Variants in SLIT1 observed in about 807,000 individuals in gnomAD.
The protein encoded by SLIT1 is slit homolog 1 protein.
SLIT1 carries 66 observed loss-of-function variants against 186.1 expected under a neutral mutation model. The ratio of observed to expected loss-of-function variants is 0.35; its 90% CI spans 0.29 to 0.44. SLIT1 has a LOEUF of 0.44. Among genes scored for constraint, SLIT1 ranks in the 20% least tolerant of loss-of-function variants. SLIT1 has a pLI of 1.00. For missense variants in SLIT1, 1,638 were observed against 2,037.4 expected, an observed-to-expected ratio of 0.80 and a Z score of 3.77; for synonymous variants, 761 against 833.8, an observed-to-expected ratio of 0.91 and a Z score of 1.50.
At chr10:97,041,938 T>C (rs1294591474) in intron 20 of SLIT1, among the ~76,000 whole-genome samples, 4 of 152,082 alleles carry the variant, frequency 2.6e-5, no homozygotes, top group Non-Finnish European at 2.9e-5. Flanking sequence ...CCAAAATATA[T>C]AGTTAGGTTT....
chr10:97,087,657 C>T lies in SLIT1; in HGVS notation c.414-21571G>A, dbSNP rs575523513. 4.0e-4 allele frequency among the ~76,000 whole-genome samples: 61 copies of T among 152,062 alleles called. 1 individual carries two copies. Among genetic ancestry groups the T allele is most frequent in the African/African-American group, 1.4e-3 (60 of 41,542 alleles). On this transcript the variant is annotated intron_variant, in intron 4 of 36. Coordinates refer to ENST00000266058, the MANE Select transcript of SLIT1 (RefSeq NM_003061.3). ...AAGCACGGCTCTCTGCCTGAGCCTC[C>T]TGATCACACTCTCGGCTCCTGTCCT...
At chr10:97,121,786 A>C (rs1027282298) in intron 4 of SLIT1, among the ~76,000 whole-genome samples, 9 of 152,236 alleles carry the variant, frequency 5.9e-5, no homozygotes, top group African/African-American at 2.2e-4. Flanking sequence ...CTGCCTCATC[A>C]GCTATAGTCC....
chr10:97,016,179 C>G (rs1298849924), intron 28 of SLIT1, among the ~76,000 whole-genome samples: 1 of 151,912 alleles, frequency 6.6e-6, no homozygotes, highest in Non-Finnish European at 1.5e-5. Context: ...TGTGGTGGTG[C>G]ATGCCTGTAG....
At chr10:97,012,206 C>T in intron 30 of SLIT1, among the ~76,000 whole-genome samples, 1 of 151,638 alleles carries the variant, frequency 6.6e-6, no homozygotes, top group South Asian at 2.1e-4. Flanking sequence ...CTGTCTGATA[C>T]TTTGTTTCAT....
At chr10:97,163,572 C>A in intron 2 of SLIT1, 121 bp from the exon 3 acceptor site, 2 of 800,218 alleles carry the variant, frequency 2.5e-6, no homozygotes, top group Non-Finnish European at 2.2e-6. Flanking sequence ...GGGAGTAAGA[C>A]AGGAGCCATG....
intron 29 of SLIT1, 35 bp downstream of exon 29, chr10:97,013,984 A>C (rs1589363004): frequency 6.2e-7 from 1 of 1,605,696 alleles, no homozygotes; most frequent in Non-Finnish European, 8.5e-7. Context: ...TCTGTTCCCC[A>C]CCTCCCCCAG....
intron 1 of SLIT1, among the ~76,000 whole-genome samples, chr10:97,166,360 C>CA (rs1478702331): frequency 1.3e-5 from 2 of 151,160 alleles, no homozygotes; most frequent in East Asian, 2.0e-4. Context: ...ACTAAAAATA[C>CA]AAAAAAATTA....
At chr10:97,007,705 A>T (rs1440626376) in intron 31 of SLIT1, among the ~76,000 whole-genome samples, 1 of 152,258 alleles carries the variant, frequency 6.6e-6, no homozygotes, top group Non-Finnish European at 1.5e-5. Context: ...GTTCATCTCA[A>T]TAGATGCAGA....
intron 4 of SLIT1, among the ~76,000 whole-genome samples, chr10:97,071,425 C>T (rs546262832): frequency 6.6e-6 from 1 of 152,222 alleles, no homozygotes; most frequent in African/African-American, 2.4e-5. Flanking sequence ...GGCCGGCACT[C>T]ACATCCATTC....
At position 97,053,257 on chromosome 10, in the gene SLIT1, T is replaced by C. The variant is rs777569912; in HGVS notation, c.1301+3064A>G. On this transcript the variant is annotated intron_variant, in intron 13 of 36. Coordinates refer to ENST00000266058, the MANE Select transcript of SLIT1 (RefSeq NM_003061.3). Reference sequence around the variant, plus strand: ...TGAGTCCCCGGCCAGTAAATCTCCTTAGCATGTTTCTCTCAGACATTCTGC... The same window carrying C: ...TGAGTCCCCGGCCAGTAAATCTCCTCAGCATGTTTCTCTCAGACATTCTGC... Among the ~76,000 whole-genome samples the C allele has an allele frequency of 2.0e-5, 3 of 152,202 alleles. No homozygotes were observed. The South Asian group carries it at 6.2e-4, about 31-fold the overall frequency.
At chr10:97,182,766 G>A (rs1428153122) in intron 1 of SLIT1, among the ~76,000 whole-genome samples, 2 of 152,168 alleles carry the variant, frequency 1.3e-5, no homozygotes, top group Non-Finnish European at 2.9e-5. Context: ...TCAGCCCCAG[G>A]GACAAGCTGG....
intron 21 of SLIT1, among the ~76,000 whole-genome samples, chr10:97,038,260 C>T (rs929771734): frequency 6.6e-6 from 1 of 152,154 alleles, no homozygotes; most frequent in African/African-American, 2.4e-5. Flanking sequence ...TTCCAGGCTC[C>T]GCACCCTGAT....
chr10:97,174,540 C>A (rs918916443), intron 1 of SLIT1, among the ~76,000 whole-genome samples: 1 of 152,194 alleles, frequency 6.6e-6, no homozygotes, highest in Non-Finnish European at 1.5e-5. Context: ...GTGGGGAAGC[C>A]CCAAGGAGGA....
Position 97,086,822 on chromosome 10 carries a change from A to T in SLIT1, c.414-20736T>A, listed in dbSNP as rs188551540. On this transcript the variant is annotated intron_variant, in intron 4 of 36. Transcript: ENST00000266058. ...GGGAACCACTCTGTGTGATACTACA[A>T]CAGTGTATCCATGTCATTAGACATT... Among the ~76,000 whole-genome samples, 218 of 152,294 alleles carry T rather than the reference A, an allele frequency of 1.4e-3. 1 individual carries two copies. Among genetic ancestry groups the T allele is most frequent in the Non-Finnish European group, 2.6e-3 (179 of 68,028 alleles).
intron 21 of SLIT1, 23 bp downstream of exon 21, chr10:97,039,965 G>T: frequency 6.2e-7 from 1 of 1,612,600 alleles, no homozygotes; most frequent in Non-Finnish European, 8.5e-7. Flanking sequence ...CACGTGAAGG[G>T]GGCAAGGCCT....
Position 97,047,676 on chromosome 10 carries a change from C to G in SLIT1, c.1634+14G>C, listed in dbSNP as rs755546781. ...TAGGGACAGGGGAGGGCTGGGGGGG[C>G]CAGGGACCCTCACAGTTCTGCCGTG... On this transcript the variant is annotated intron_variant, in intron 16 of 36. Transcript: ENST00000266058. The G allele has an allele frequency of 9.3e-6, 15 of 1,611,738 alleles. No individual in the cohort carries two copies. The highest frequency in any genetic ancestry group is 5.0e-5 in the Admixed American group (3 of 59,994).
intron 4 of SLIT1, among the ~76,000 whole-genome samples, chr10:97,084,376 C>G: frequency 6.6e-6 from 1 of 152,200 alleles, no homozygotes; most frequent in East Asian, 1.9e-4. Flanking sequence ...GCCACAAAGG[C>G]CACAGAGCTG....
chr10:97,118,733 T>C (rs931762006), intron 4 of SLIT1, among the ~76,000 whole-genome samples: 10 of 152,294 alleles, frequency 6.6e-5, no homozygotes, highest in Middle Eastern at 3.4e-3. Context: ...CACGTAACCT[T>C]GGGCAAGTTA....
chr10:97,013,791 C>T lies in SLIT1; in HGVS notation c.3153G>A (p.Leu1051=), dbSNP rs748772536. Residue 1051 remains leucine (L), a synonymous_variant, in exon 30 of 37, where the codon CTG becomes CTA. Transcript: ENST00000266058. ...EQLVDLCSPD[L]NPCQHEAQCV... Reference sequence around the variant, plus strand: ...ACTGGGCCTCGTGTTGACATGGGTTCAGATCCGGAGAGCACAAGTCCACCA... The same window carrying T: ...ACTGGGCCTCGTGTTGACATGGGTTTAGATCCGGAGAGCACAAGTCCACCA... The T allele has an allele frequency of 5.2e-5, 80 of 1,551,482 alleles. No individual in the cohort carries two copies. Among genetic ancestry groups the T allele is most frequent in the Non-Finnish European group, 6.5e-5 (74 of 1,146,938 alleles).
Sources: gnomAD v4.1 joint callset for allele counts (sites outside exome capture counted in the v4.1 genomes callset) on GRCh38, gnomAD v4.1.1 for gene constraint, MANE v1.5 for transcripts, NCBI Gene and HGNC (gene_info 2026-07-23, HGNC 2026-07-21) for gene names.